NEURL1: variants seen among roughly 807,000 people sequenced by gnomAD.
NEURL1 encodes the protein E3 ubiquitin-protein ligase NEURL1.
NEURL1 carries 26 observed loss-of-function variants against 41.2 expected under a neutral mutation model. The observed-to-expected ratio is 0.63, with a 90% CI of 0.46 to 0.87. The LOEUF (loss-of-function observed/expected upper bound fraction) is 0.87, where lower values mean the gene tolerates loss of function less well. NEURL1 is among the 40% of genes least tolerant of loss of function. The pLI is 0.00. For missense variants in NEURL1, 761 were observed against 871.1 expected (o/e 0.87, Z 1.59); for synonymous variants, 400 against 402.3 (o/e 0.99, Z 0.07).
intron 3 of NEURL1, among the ~76,000 whole-genome samples, chr10:103,584,238 T>TA (rs1271049435): frequency 6.6e-6 from 1 of 152,174 alleles, no homozygotes; most frequent in Non-Finnish European, 1.5e-5. Context: ...TTATGAGGAA[T>TA]ACAAGTTTAC....
intron 3 of NEURL1, among the ~76,000 whole-genome samples, chr10:103,575,609 C>G (rs1282195357): frequency 6.6e-6 from 1 of 150,658 alleles, no homozygotes. Context: ...GTGGACGGTC[C>G]TCCCTGCCCT....
At chr10:103,555,068 T>C (rs912668156) in intron 1 of NEURL1, among the ~76,000 whole-genome samples, 1 of 152,036 alleles carries the variant, frequency 6.6e-6, no homozygotes, top group East Asian at 1.9e-4. Context: ...TAAATAAACA[T>C]GACAGATCCC....
chr10:103,552,254 C>T (rs2035046426), intron 1 of NEURL1, among the ~76,000 whole-genome samples: 2 of 152,186 alleles, frequency 1.3e-5, no homozygotes, highest in African/African-American at 4.8e-5. Flanking sequence ...CTCCCTGCTG[C>T]AGGACTTCCC....
In NEURL1 at chr10:103,545,368, G is replaced by C. The variant is rs937083789; in HGVS notation, c.86-25504G>C. Among the ~76,000 whole-genome samples the C allele has an allele frequency of 6.6e-6, 1 of 152,194 alleles. No individual in the cohort carries two copies. Among genetic ancestry groups the C allele is most frequent in the Non-Finnish European group, 1.5e-5 (1 of 68,026 alleles). On this transcript the variant is annotated intron_variant, in intron 1 of 5. Transcript: ENST00000369780. The surrounding 1 kb of genome is among the most constrained non-coding windows in gnomAD (Gnocchi z 4.5). ...TAGGGACTAAAAGCCCCTGTTTGTG[G>C]GGCTATGAGATGTGAGGTTGTCTGG... is the stretch of plus-strand genomic sequence containing the variant.
At chr10:103,583,191 T>TA (rs1166142614) in intron 3 of NEURL1, among the ~76,000 whole-genome samples, 2 of 152,186 alleles carry the variant, frequency 1.3e-5, no homozygotes, top group Non-Finnish European at 2.9e-5. Context: ...GCCCAGGAGT[T>TA]AAATTTTTGA....
chr10:103,501,566 T>C (rs1366774200), intron 1 of NEURL1, among the ~76,000 whole-genome samples: 1 of 151,934 alleles, frequency 6.6e-6, no homozygotes, highest in Non-Finnish European at 1.5e-5. Flanking sequence ...TTCATGTAAA[T>C]AAATTCATTT....
intron 1 of NEURL1, among the ~76,000 whole-genome samples, chr10:103,540,343 G>C (rs899107360): frequency 1.3e-4 from 19 of 151,830 alleles, no homozygotes; most frequent in Non-Finnish European, 2.2e-4. Context: ...AGGCTGGAGC[G>C]CAGTGGCCTG....
chr10:103,512,445 A>T (rs2034094449), intron 1 of NEURL1, among the ~76,000 whole-genome samples: 2 of 152,226 alleles, frequency 1.3e-5, no homozygotes, highest in South Asian at 4.1e-4. Flanking sequence ...TGCCAGCCAC[A>T]GATAGGTGAC....
At position 103,584,730 on chromosome 10, in the gene NEURL1, C is replaced by G; in HGVS notation, c.844C>G (p.His282Asp). The change falls in exon 4 of 6, where the codon CAC (histidine) becomes GAC (aspartate). Residue 282 changes from histidine to aspartate, a missense_variant. Physicochemically the swap from His to Asp is moderately conservative, Grantham distance 81. Transcript: ENST00000369780. ...PIPQNSLNSQ[H>D]SRALPAQLDG... ...CCCGCAGAACTCACTCAACTCGCAG[C>G]ACAGCCGCGCGCTGCCGGCGCAGCT... is the stretch of plus-strand genomic sequence containing the variant. 3.4e-6 allele frequency: 5 copies of G among 1,467,768 alleles called. No individual in the cohort carries two copies. Among genetic ancestry groups the G allele is most frequent in the Non-Finnish European group, 4.5e-6 (5 of 1,115,440 alleles). The allele number at this position is 1,467,768 out of a possible 1,614,324, so 90.9% of individuals were successfully genotyped here. A position where few individuals can be genotyped will look rare whatever the true frequency, so the allele number is the denominator to read the frequency against.
chr10:103,495,053 C>T (rs1564800065), intron 1 of NEURL1, among the ~76,000 whole-genome samples: 1 of 152,146 alleles, frequency 6.6e-6, no homozygotes, highest in Non-Finnish European at 1.5e-5. Flanking sequence ...CCAGTCAGAG[C>T]CCTAGAAAAG....
chr10:103,562,856 C>A (rs1175131007), intron 1 of NEURL1, among the ~76,000 whole-genome samples: 2 of 152,174 alleles, frequency 1.3e-5, no homozygotes, highest in African/African-American at 4.8e-5. Flanking sequence ...CTGGGCCAAG[C>A]CTGGAAATCA....
intron 2 of NEURL1, 93 bp downstream of exon 2, chr10:103,571,206 C>T (rs753751798): frequency 7.1e-6 from 9 of 1,272,150 alleles, no homozygotes; most frequent in Admixed American, 3.6e-5. Flanking sequence ...TCAGCCGCTG[C>T]CTGCTGCCAC....
chr10:103,494,522 G>A (rs1406311287), intron 1 of NEURL1, 50 bp downstream of exon 1: 1 of 1,465,020 alleles, frequency 6.8e-7, no homozygotes, highest in East Asian at 2.8e-5. Context: ...CAGGTGGAGG[G>A]CCAGGGAGGT....
chr10:103,562,627 G>A (rs1392204514), intron 1 of NEURL1, among the ~76,000 whole-genome samples: 1 of 152,132 alleles, frequency 6.6e-6, no homozygotes, highest in African/African-American at 2.4e-5. Flanking sequence ...GGGGTATCTG[G>A]GCTTAATCTT....
At chr10:103,543,892 C>G (rs772050080) in intron 1 of NEURL1, among the ~76,000 whole-genome samples, 2 of 146,962 alleles carry the variant, frequency 1.4e-5, no homozygotes, top group Non-Finnish European at 3.0e-5. Flanking sequence ...ACAACTGGCT[C>G]GTGTGCATGG....
Position 103,584,726 on chromosome 10 carries a change from G to C in NEURL1, c.840G>C (p.Ser280=). 6.8e-7 allele frequency: 1 copy of C among 1,466,350 alleles called. No homozygotes were observed. Among genetic ancestry groups the C allele is most frequent in the Non-Finnish European group, 9.0e-7 (1 of 1,114,534 alleles). The allele number at this position is 1,466,350 out of a possible 1,614,324, so 90.8% of individuals were successfully genotyped here. ...GCPIPQNSLN[S]QHSRALPAQL... The stretch of plus-strand genomic sequence containing the variant: ...CCATCCCGCAGAACTCACTCAACTC[G>C]CAGCACAGCCGCGCGCTGCCGGCGC... Residue 280 remains serine, a synonymous_variant, in exon 4 of 6, where the codon TCG becomes TCC. Transcript: ENST00000369780.
chr10:103,506,859 C>T (rs2033960308), intron 1 of NEURL1, among the ~76,000 whole-genome samples: 1 of 152,180 alleles, frequency 6.6e-6, no homozygotes, highest in African/African-American at 2.4e-5. Context: ...CTGTGCCCGG[C>T]CCACTTCTGC....
chr10:103,568,748 C>T (rs1224038847), intron 1 of NEURL1, among the ~76,000 whole-genome samples: 1 of 151,944 alleles, frequency 6.6e-6, no homozygotes, highest in Admixed American at 6.6e-5. Flanking sequence ...GGTAATCCTG[C>T]CTCTCTCCCC....
intron 3 of NEURL1, among the ~76,000 whole-genome samples, chr10:103,576,212 T>G (rs2035659935): frequency 6.6e-6 from 1 of 152,162 alleles, no homozygotes; most frequent in African/African-American, 2.4e-5. Context: ...GGAGTGCAGC[T>G]AGAGAGCAAT....
Sources: allele counts gnomAD v4.1 joint callset (sites outside exome capture counted in the v4.1 genomes callset), GRCh38; gene constraint gnomAD v4.1.1; non-coding constraint Gnocchi (gnomAD v3.1); transcripts MANE v1.5; gene names NCBI Gene and HGNC (gene_info 2026-07-23, HGNC 2026-07-21).